ARID1B: variants seen among roughly 807,000 people sequenced by gnomAD.
ARID1B encodes AT-rich interactive domain-containing protein 1B.
Under a neutral mutation model 212.3 loss-of-function variants are expected in ARID1B, and 30 were observed. The ratio of observed to expected loss-of-function variants is 0.14; its 90% CI spans 0.11 to 0.19. The LOEUF (loss-of-function observed/expected upper bound fraction) is 0.19, where lower values mean the gene tolerates loss of function less well. ARID1B is among the 10% of genes least tolerant of loss of function. The probability of loss-of-function intolerance (pLI) is 1.00; values close to 1 mark genes in which losing one functional copy is unlikely to be tolerated. For missense variants in ARID1B, 2,891 were observed against 3,204.0 expected (o/e 0.90, Z 2.36); for synonymous variants, 1,402 against 1,301.7 (o/e 1.08, Z -1.66).
intron 1 of ARID1B, among the ~76,000 whole-genome samples, chr6:156,817,646 A>G (rs898867755): frequency 6.6e-6 from 1 of 151,160 alleles, no homozygotes; most frequent in African/African-American, 2.4e-5. Flanking sequence ...AAAAAAAACC[A>G]CACACACAAA....
rs1176770045 is a variant in ARID1B, at chr6:156,945,101, AT to A, written c.2247+9540del. Among the ~76,000 whole-genome samples, 424 of 107,146 alleles carry A rather than the reference AT, an allele frequency of 4.0e-3. 1 individual carries two copies. The highest frequency in any genetic ancestry group is 7.2e-3 in the South Asian group (23 of 3,194). 70.3% of individuals were successfully genotyped at this position (107,146 alleles called of 152,430 possible). ...CCAAGTCGGGCTAATTTTTTTGTATATTTTTTTTTTTTTTTAGTAGAGACGG... is the reference window on the plus strand; with the variant it reads ...CCAAGTCGGGCTAATTTTTTTGTATATTTTTTTTTTTTTTAGTAGAGACGG... On this transcript the variant is annotated intron_variant, in intron 4 of 19. Transcript: ENST00000636930.
chr6:156,811,904 A>G (rs1003169845), intron 1 of ARID1B, among the ~76,000 whole-genome samples: 1 of 152,214 alleles, frequency 6.6e-6, no homozygotes, highest in Admixed American at 6.5e-5. Context: ...GCCTTCCCCA[A>G]AAAGCATCAT....
chr6:156,981,552 T>G (rs1777605442), intron 4 of ARID1B, among the ~76,000 whole-genome samples: 1 of 152,194 alleles, frequency 6.6e-6, no homozygotes. Flanking sequence ...TATATTATCT[T>G]TTAAATTCCT....
chr6:156,864,599 G>A (rs1043739586), intron 2 of ARID1B, among the ~76,000 whole-genome samples: 1 of 152,118 alleles, frequency 6.6e-6, no homozygotes, highest in South Asian at 2.1e-4. Flanking sequence ...CCATGCCCAC[G>A]TCCCCAGAGG....
At position 157,148,856 on chromosome 6, in the gene ARID1B, G is replaced by A. The variant is rs2128634691; in HGVS notation, c.2994G>A (p.Gly998=). The change falls in exon 8 of 20, where the codon GGG becomes GGA. Residue 998 remains glycine, a synonymous_variant. Transcript: ENST00000636930. This position sits in a 1 kb window ranked among gnomAD's most constrained non-coding sequence, Gnocchi z 5.6. ...PSSPGMSQQG[G]PGMGPPMPTV... ...CTCCTGGCATGTCTCAGCAGGGAGG[G>A]CCAGGAATGGGGCCGCCAATGCCAA... 1.2e-6 allele frequency: 2 copies of A among 1,612,948 alleles called. No homozygotes were observed. Among genetic ancestry groups the A allele is most frequent in the Non-Finnish European group, 8.5e-7 (1 of 1,179,972 alleles).
intron 2 of ARID1B, among the ~76,000 whole-genome samples, chr6:156,868,222 A>T (rs1047793172): frequency 2.0e-5 from 3 of 152,328 alleles, no homozygotes; most frequent in African/African-American, 7.2e-5. Flanking sequence ...AAGCTCAATC[A>T]TTCTTCTTCC....
intron 4 of ARID1B, among the ~76,000 whole-genome samples, chr6:156,945,097 GTATATTTT>G (rs1296149959): frequency 2.0e-5 from 2 of 100,190 alleles, no homozygotes; most frequent in African/African-American, 7.3e-5. Context: ...TAATTTTTTT[GTATATTTT>G]TTTTTTTTTT....
chr6:156,916,349 G>A (rs1484379914), intron 3 of ARID1B, among the ~76,000 whole-genome samples: 1 of 152,110 alleles, frequency 6.6e-6, no homozygotes, highest in East Asian at 1.9e-4. Context: ...TCTTCCTGTT[G>A]TAGATAGAGG....
In ARID1B at chr6:157,118,300, G is replaced by T. The variant is rs953745520; in HGVS notation, c.2581+7739G>T. Among the ~76,000 whole-genome samples, 4 of 152,212 alleles carry T rather than the reference G, an allele frequency of 2.6e-5. No individual in the cohort carries two copies. The East Asian group carries it at 7.7e-4, about 29-fold the overall frequency. ...TCTTCTTTCTATTGGATTCCCGGTT[G>T]TAAGTGTGACAGTAGATCTGCAGAT... On this transcript the variant is annotated intron_variant, in intron 6 of 19. Transcript: ENST00000636930.
intron 2 of ARID1B, among the ~76,000 whole-genome samples, chr6:156,871,995 T>C (rs1411833715): frequency 6.6e-6 from 1 of 152,198 alleles, no homozygotes; most frequent in Admixed American, 6.5e-5. Flanking sequence ...ATTTAAAAAA[T>C]AGTAAATGAG....
intron 3 of ARID1B, among the ~76,000 whole-genome samples, chr6:156,920,128 G>A (rs1054239023): frequency 2.6e-5 from 4 of 152,208 alleles, no homozygotes; most frequent in African/African-American, 9.6e-5. Flanking sequence ...CCAGAAAGTT[G>A]GGTAGAACTG....
chr6:157,125,641 T>C (rs1231230139), intron 6 of ARID1B, among the ~76,000 whole-genome samples: 1 of 152,188 alleles, frequency 6.6e-6, no homozygotes, highest in Non-Finnish European at 1.5e-5. Context: ...CCAGTCTAAA[T>C]TGGGTCTTCC....
At chr6:156,842,044 T>C (rs535677140) in intron 2 of ARID1B, among the ~76,000 whole-genome samples, 17 of 152,352 alleles carry the variant, frequency 1.1e-4, no homozygotes, top group African/African-American at 4.1e-4. Context: ...ACGTAAAGTC[T>C]TTTGTGACCT....
intron 2 of ARID1B, among the ~76,000 whole-genome samples, chr6:156,843,173 C>T (rs1452819765): frequency 1.3e-5 from 2 of 152,162 alleles, no homozygotes; most frequent in Non-Finnish European, 2.9e-5. Context: ...CCTTGGGCAG[C>T]ATCAATATCT....
chr6:157,001,611 G>A (rs1778918526), intron 4 of ARID1B, among the ~76,000 whole-genome samples: 1 of 152,216 alleles, frequency 6.6e-6, no homozygotes, highest in African/African-American at 2.4e-5. Flanking sequence ...GACCTTGTTT[G>A]ATATATTACG....
At chr6:157,065,330 A>G (rs1044457975) in intron 4 of ARID1B, among the ~76,000 whole-genome samples, 1 of 152,236 alleles carries the variant, frequency 6.6e-6, no homozygotes, top group Non-Finnish European at 1.5e-5. Flanking sequence ...CTGGGTATTA[A>G]CTGGTTCTGT....
chr6:157,004,988 C>T (rs1779157409), intron 4 of ARID1B, among the ~76,000 whole-genome samples: 1 of 136,194 alleles, frequency 7.3e-6, no homozygotes. Context: ...TCCCGACTCA[C>T]TGCAACCTCC....
chr6:157,066,246 G>A (rs911319107), intron 4 of ARID1B, among the ~76,000 whole-genome samples: 3 of 152,232 alleles, frequency 2.0e-5, no homozygotes, highest in African/African-American at 7.2e-5. Flanking sequence ...CAAGATGGAT[G>A]TCATGGAAGA....
intron 1 of ARID1B, among the ~76,000 whole-genome samples, chr6:156,822,168 C>T (rs1764177869): frequency 6.6e-6 from 1 of 152,116 alleles, no homozygotes; most frequent in Admixed American, 6.5e-5. Context: ...TCTTAGAATC[C>T]CATTTCTTGA....
Sources: allele counts gnomAD v4.1 joint callset (sites outside exome capture counted in the v4.1 genomes callset), GRCh38; gene constraint gnomAD v4.1.1; non-coding constraint Gnocchi (gnomAD v3.1); transcripts MANE v1.5; gene names NCBI Gene and HGNC (gene_info 2026-07-23, HGNC 2026-07-21).